The following TTLL6 variants were observed in gnomAD, a reference collection of about 807,000 sequenced individuals.
TTLL6 encodes tubulin polyglutamylase TTLL6.
TTLL6 carries 75 observed loss-of-function variants against 96.4 expected under a neutral mutation model. The observed-to-expected ratio is 0.78, with a 90% CI of 0.65 to 0.94. The LOEUF (loss-of-function observed/expected upper bound fraction) is 0.94. Among genes scored for constraint, TTLL6 ranks in the 40% least tolerant of loss-of-function variants. TTLL6 has a pLI of 0.00. For missense variants in TTLL6, 1,030 were observed against 1,093.0 expected, an observed-to-expected ratio of 0.94 and a Z score of 0.81; for synonymous variants, 411 against 419.4, an observed-to-expected ratio of 0.98 and a Z score of 0.24.
chr17:48,777,013 C>CACACAT (rs2038886195), intron 13 of TTLL6, among the ~76,000 whole-genome samples: 1 of 115,422 alleles, frequency 8.7e-6, no homozygotes, highest in Non-Finnish European at 1.9e-5. Context: ...TAAGGATAGA[C>CACACAT]ACACACACAC....
At chr17:48,812,742 T>TA (rs1341140058) in intron 1 of TTLL6, among the ~76,000 whole-genome samples, 1 of 152,238 alleles carries the variant, frequency 6.6e-6, no homozygotes, top group African/African-American at 2.4e-5. Flanking sequence ...GAGATGTTCA[T>TA]ATGCTCCTTG....
chr17:48,791,102 G>A (rs2039212256), intron 9 of TTLL6, among the ~76,000 whole-genome samples: 1 of 152,170 alleles, frequency 6.6e-6, no homozygotes, highest in African/African-American at 2.4e-5. Flanking sequence ...TCTTACAAAA[G>A]ATCGAGCTGT....
At chr17:48,784,398 T>G (rs1297317241) in intron 13 of TTLL6, among the ~76,000 whole-genome samples, 1 of 151,528 alleles carries the variant, frequency 6.6e-6, no homozygotes, top group Non-Finnish European at 1.5e-5. Flanking sequence ...GAGCCAGACC[T>G]TGTCTCAAAA....
intron 3 of TTLL6, among the ~76,000 whole-genome samples, chr17:48,802,874 A>T (rs1434819534): frequency 6.6e-6 from 1 of 151,888 alleles, no homozygotes; most frequent in Non-Finnish European, 1.5e-5. Flanking sequence ...CCATCTCAAA[A>T]AAAATAAATA....
rs1365585254 is a variant in TTLL6 at position 48,769,051 on chromosome 17, G to T, written c.2614C>A (p.Gln872Lys). 1.9e-6 allele frequency: 3 copies of T among 1,614,176 alleles called. 1 individual carries two copies. The Admixed American group carries it at 5.0e-5, about 27-fold the overall frequency. ...CAATGGCTGTATGCTTCTTGATCCTGCATACATGGGTCCCTCATAGCACTT... is the reference window on the plus strand; with the variant it reads ...CAATGGCTGTATGCTTCTTGATCCTTCATACATGGGTCCCTCATAGCACTT... ...HASAMRDPCM[Q>K]DQEAYSHCLI... The change falls in exon 15 of 16, where the codon CAG (glutamine) becomes AAG (lysine). Residue 872 changes from glutamine to lysine, a missense_variant. Gln to Lys is a moderately conservative substitution (Grantham distance 53, BLOSUM62 1). Transcript: ENST00000393382.
intron 1 of TTLL6, among the ~76,000 whole-genome samples, chr17:48,810,564 C>T (rs748199982): frequency 1.2e-4 from 19 of 152,090 alleles, no homozygotes; most frequent in South Asian, 2.1e-4. Flanking sequence ...GGCATAGTAG[C>T]GCATACCTAT....
At chr17:48,793,456 GGTGGTGGGCGCCT>G (rs1300490761) in intron 8 of TTLL6, among the ~76,000 whole-genome samples, 1 of 152,168 alleles carries the variant, frequency 6.6e-6, no homozygotes, top group Non-Finnish European at 1.5e-5. Context: ...GGCCAAGCAT[GGTGGTGGGCGCCT>G]GTAATCCCAG....
Position 48,804,979 on chromosome 17 carries a change from A to AAAT in TTLL6, c.113_115dup (p.Tyr38dup). 1 of 1,551,430 alleles carries AAAT rather than the reference A, an allele frequency of 6.4e-7. No homozygotes were observed. The highest frequency in any genetic ancestry group is 8.7e-7 in the Non-Finnish European group (1 of 1,146,870). ...CCTGGCCTGGGAGGAGGCTCTGGGGAAATACCAGGCCCCTAGAGAGAGGGC... is the reference window on the plus strand; with the variant it reads ...CCTGGCCTGGGAGGAGGCTCTGGGGAAATAATACCAGGCCCCTAGAGAGAGGGC... On this transcript the variant is annotated inframe_insertion, in exon 2 of 16. Transcript: ENST00000393382.
Position 48,762,776 on chromosome 17 carries a change from A to G in TTLL6, c.*198T>C. The G allele has an allele frequency of 5.2e-6, 2 of 382,700 alleles. No individual in the cohort carries two copies. The highest frequency in any genetic ancestry group is 1.0e-5 in the Non-Finnish European group (2 of 194,904). The allele number at this position is 382,700 out of a possible 1,614,324, so 23.7% of individuals were successfully genotyped here. On this transcript the variant is annotated 3_prime_UTR_variant, in exon 16 of 16. Coordinates refer to ENST00000393382, the MANE Select transcript of TTLL6 (RefSeq NM_001130918.3). Reference sequence around the variant, plus strand: ...GAAATCATGGTCCTGTAGCACTGTAAGCTAACTGGGAGGGAACAGAGGCAG... The same window carrying G: ...GAAATCATGGTCCTGTAGCACTGTAGGCTAACTGGGAGGGAACAGAGGCAG...
At chr17:48,794,870 G>A (rs663928) in intron 8 of TTLL6, among the ~76,000 whole-genome samples, 20,445 of 152,162 alleles carry the variant, frequency 0.13, 2,395 homozygotes, top group East Asian at 0.67. Flanking sequence ...AACAGACCTC[G>A]CTTCTCCACC....
At chr17:48,774,226 G>GT (rs1260566203) in intron 13 of TTLL6, among the ~76,000 whole-genome samples, 1 of 109,540 alleles carries the variant, frequency 9.1e-6, no homozygotes, top group African/African-American at 3.5e-5. Flanking sequence ...CAAAATCCAG[G>GT]TTTGTTGTTT....
chr17:48,814,860 A>C (rs1351991470), intron 1 of TTLL6, among the ~76,000 whole-genome samples: 1 of 152,044 alleles, frequency 6.6e-6, no homozygotes, highest in African/African-American at 2.4e-5. Context: ...GCTCACCGCA[A>C]CCTCTGCCTC....
intron 1 of TTLL6, among the ~76,000 whole-genome samples, chr17:48,807,320 A>G (rs1273062278): frequency 6.6e-6 from 1 of 151,670 alleles, no homozygotes; most frequent in Non-Finnish European, 1.5e-5. Flanking sequence ...CAAACTCCCA[A>G]CCTCAGGTGA....
chr17:48,810,272 G>A (rs1017836663), intron 1 of TTLL6, among the ~76,000 whole-genome samples: 4 of 152,016 alleles, frequency 2.6e-5, no homozygotes, highest in African/African-American at 9.7e-5. Flanking sequence ...TTTCACCATG[G>A]AATTATTGCC....
At chr17:48,785,412 T>G (rs2039071985) in intron 12 of TTLL6, among the ~76,000 whole-genome samples, 1 of 152,136 alleles carries the variant, frequency 6.6e-6, no homozygotes, top group Admixed American at 6.5e-5. Flanking sequence ...CCACTTGAAA[T>G]TGCAGTTTAA....
intron 2 of TTLL6, 195 bp from the exon 3 acceptor site, chr17:48,804,123 G>A: frequency 1.6e-6 from 1 of 628,756 alleles, no homozygotes; most frequent in East Asian, 2.8e-5. Flanking sequence ...ATGGCATCAG[G>A]GTACTATTAC....
chr17:48,813,626 A>G (rs985931331), intron 1 of TTLL6, among the ~76,000 whole-genome samples: 9 of 152,238 alleles, frequency 5.9e-5, no homozygotes, highest in Non-Finnish European at 1.3e-4. Flanking sequence ...CTTAAAGTCA[A>G]CTGCTTTAAA....
chr17:48,771,545 T>C (rs1246254366), intron 13 of TTLL6, among the ~76,000 whole-genome samples: 2 of 152,002 alleles, frequency 1.3e-5, no homozygotes, highest in East Asian at 3.9e-4. Context: ...GGCAAGAGGA[T>C]CACTTGAGCC....
chr17:48,793,388 G>T (rs1013747984), intron 8 of TTLL6, among the ~76,000 whole-genome samples: 4 of 152,108 alleles, frequency 2.6e-5, no homozygotes, highest in African/African-American at 9.7e-5. Flanking sequence ...ACTGGGCAAA[G>T]AATAGTTATG....
Sources: gnomAD v4.1 joint callset for allele counts (sites outside exome capture counted in the v4.1 genomes callset) on GRCh38, gnomAD v4.1.1 for gene constraint, MANE v1.5 for transcripts, NCBI Gene and HGNC (gene_info 2026-07-23, HGNC 2026-07-21) for gene names.